SRPK2: variants seen among roughly 807,000 people sequenced by gnomAD.
SRPK2 encodes SFRS protein kinase 2.
In SRPK2, 21 loss-of-function variants were observed where a neutral mutation model predicts 90.8. That is an observed-to-expected ratio of 0.23 (90% confidence interval 0.16 to 0.33). The LOEUF (loss-of-function observed/expected upper bound fraction) is 0.33. SRPK2 is among the 10% of genes least tolerant of loss of function. The pLI is 1.00. For missense variants in SRPK2, 620 were observed against 869.0 expected, an observed-to-expected ratio of 0.71 and a Z score of 3.60; for synonymous variants, 288 against 311.1, an observed-to-expected ratio of 0.93 and a Z score of 0.78.
At chr7:105,221,181 A>T (rs1414115204) in intron 2 of SRPK2, among the ~76,000 whole-genome samples, 1 of 152,204 alleles carries the variant, frequency 6.6e-6, no homozygotes, top group East Asian at 1.9e-4. Context: ...AAAAATCCTA[A>T]GTCAAGTCAT....
intron 11 of SRPK2, among the ~76,000 whole-genome samples, chr7:105,138,853 T>C (rs1293384829): frequency 6.6e-6 from 1 of 152,194 alleles, no homozygotes; most frequent in African/African-American, 2.4e-5. Flanking sequence ...ATAGTATTAT[T>C]GTTACAATGG....
At chr7:105,247,936 C>T (rs1214517522) in intron 2 of SRPK2, among the ~76,000 whole-genome samples, 1 of 150,888 alleles carries the variant, frequency 6.6e-6, no homozygotes, top group East Asian at 1.9e-4. Context: ...AATGGTGCAA[C>T]CTCCACCTCC....
At chr7:105,247,527 CAT>C (rs752323132) in intron 2 of SRPK2, among the ~76,000 whole-genome samples, 6 of 89,434 alleles carry the variant, frequency 6.7e-5, no homozygotes, top group African/African-American at 2.1e-4. Context: ...CACACACACA[CAT>C]AAACACACAC....
At chr7:105,154,240 T>C (rs1182411195) in intron 7 of SRPK2, among the ~76,000 whole-genome samples, 2 of 152,216 alleles carry the variant, frequency 1.3e-5, no homozygotes, top group Non-Finnish European at 2.9e-5. Context: ...CACAAAGCAA[T>C]GGCTCAGGAA....
rs372739386 is a variant in SRPK2 at position 105,149,402 on chromosome 7, G to A, written c.622-2744C>T. 3.0e-3 allele frequency among the ~76,000 whole-genome samples: 450 copies of A among 151,970 alleles called. 1 individual carries two copies. Among genetic ancestry groups the A allele is most frequent in the East Asian group, 0.013 (66 of 5,184 alleles). On this transcript the variant is annotated intron_variant, in intron 7 of 15. Transcript: ENST00000393651. ...TTATGACATAGATTCTATTGCTCACGTGTTTGTTGCTGACCTTCTCCTTAT... is the reference window on the plus strand; with the variant it reads ...TTATGACATAGATTCTATTGCTCACATGTTTGTTGCTGACCTTCTCCTTAT...
intron 2 of SRPK2, among the ~76,000 whole-genome samples, chr7:105,250,801 T>A (rs1446461731): frequency 6.6e-6 from 1 of 152,142 alleles, no homozygotes; most frequent in Non-Finnish European, 1.5e-5. Context: ...AACCTGTAAT[T>A]CCATTAAACA....
intron 2 of SRPK2, among the ~76,000 whole-genome samples, chr7:105,268,293 C>T (rs1009558115): frequency 3.9e-5 from 6 of 152,166 alleles, no homozygotes; most frequent in South Asian, 4.1e-4. Context: ...ATCTCTCTTA[C>T]AGAATGTGAC....
chr7:105,353,206 G>A (rs1280320691), intron 2 of SRPK2, among the ~76,000 whole-genome samples: 1 of 152,180 alleles, frequency 6.6e-6, no homozygotes, highest in Non-Finnish European at 1.5e-5. Context: ...CTTCGACTTG[G>A]TAGTTTTAAA....
At chr7:105,228,742 CG>C (rs1235097111) in intron 2 of SRPK2, among the ~76,000 whole-genome samples, 1 of 152,204 alleles carries the variant, frequency 6.6e-6, no homozygotes, top group Non-Finnish European at 1.5e-5. Context: ...AAGAGAATAC[CG>C]TAACACTCAC....
intron 11 of SRPK2, among the ~76,000 whole-genome samples, chr7:105,138,342 G>A (rs577107973): frequency 6.6e-6 from 1 of 152,256 alleles, no homozygotes; most frequent in African/African-American, 2.4e-5. Flanking sequence ...ACTAAGACAA[G>A]CATGGCCAGC....
chr7:105,125,953 C>T (rs1453867104), intron 15 of SRPK2: 4 of 746,706 alleles, frequency 5.4e-6, no homozygotes, highest in Non-Finnish European at 8.2e-6. Flanking sequence ...ACTACCACCG[C>T]CCGCGCAGAC....
chr7:105,185,964 A>G (rs1455685801), intron 3 of SRPK2, among the ~76,000 whole-genome samples: 1 of 152,256 alleles, frequency 6.6e-6, no homozygotes, highest in African/African-American at 2.4e-5. Flanking sequence ...CTACATAACT[A>G]TAACTACATA....
At chr7:105,269,041 G>A (rs1805480812) in intron 2 of SRPK2, 1 of 1,302,402 alleles carries the variant, frequency 7.7e-7, no homozygotes, top group East Asian at 2.8e-5. Context: ...AAGCTCCAGA[G>A]GCATCAGGCC....
intron 3 of SRPK2, among the ~76,000 whole-genome samples, chr7:105,179,824 C>CAAAAAA (rs1185836588): frequency 3.0e-4 from 18 of 60,260 alleles, no homozygotes; most frequent in South Asian, 8.8e-4. Context: ...GAGTCCATCT[C>CAAAAAA]AAAAAAAAAA....
chr7:105,290,702 C>T (rs1412665309), intron 2 of SRPK2, among the ~76,000 whole-genome samples: 1 of 152,022 alleles, frequency 6.6e-6, no homozygotes, highest in Admixed American at 6.6e-5. Flanking sequence ...TGGTGGCACA[C>T]GTCTATACTA....
intron 2 of SRPK2, among the ~76,000 whole-genome samples, chr7:105,228,677 G>A (rs1324320034): frequency 6.6e-6 from 1 of 152,130 alleles, no homozygotes; most frequent in African/African-American, 2.4e-5. Context: ...CCTAGGCAGC[G>A]CCACAAGCGG....
intron 7 of SRPK2, among the ~76,000 whole-genome samples, chr7:105,154,643 A>C (rs1416893045): frequency 6.6e-6 from 1 of 152,102 alleles, no homozygotes; most frequent in Non-Finnish European, 1.5e-5. Flanking sequence ...ATCTGGTTAC[A>C]TATTATAATA....
chr7:105,377,428 CAT>C (rs1419278891), intron 2 of SRPK2, among the ~76,000 whole-genome samples: 3 of 150,932 alleles, frequency 2.0e-5, no homozygotes, highest in Admixed American at 6.6e-5. Flanking sequence ...CGCGGTGGCT[CAT>C]GCCTATAATC....
intron 2 of SRPK2, among the ~76,000 whole-genome samples, chr7:105,277,521 T>A (rs1362765582): frequency 6.6e-6 from 1 of 152,206 alleles, no homozygotes; most frequent in Non-Finnish European, 1.5e-5. Flanking sequence ...AAGTGAATGT[T>A]CACAAAGGTG....
Sources: allele counts gnomAD v4.1 joint callset (sites outside exome capture counted in the v4.1 genomes callset), GRCh38; gene constraint gnomAD v4.1.1; transcripts MANE v1.5; gene names NCBI Gene and HGNC (gene_info 2026-07-23, HGNC 2026-07-21).